The following ZNF326 variants were observed in gnomAD, a reference collection of about 807,000 sequenced individuals.
The protein encoded by ZNF326 is DBIRD complex subunit ZNF326.
A neutral mutation model predicts 63.1 loss-of-function variants in ZNF326; 30 were observed. That is an observed-to-expected ratio of 0.48 (90% confidence interval 0.36 to 0.64). The LOEUF is 0.64. Ranked by LOEUF, ZNF326 falls within the 30% of genes least tolerant of loss-of-function variation. The pLI, the probability that ZNF326 is intolerant of heterozygous loss-of-function variation, is 0.00. For synonymous variants in ZNF326, 194 were observed against 228.2 expected (o/e 0.85, Z 1.35); for missense variants, 609 against 720.3 (o/e 0.85, Z 1.77).
At chr1:90,018,086 G>T (rs1465809776) in intron 8 of ZNF326, among the ~76,000 whole-genome samples, 1 of 152,156 alleles carries the variant, frequency 6.6e-6, no homozygotes, top group Admixed American at 6.5e-5. Context: ...GAGGTCAGGG[G>T]TTCAAGACCA....
chr1:90,022,567 T>C (rs184258600), intron 11 of ZNF326, among the ~76,000 whole-genome samples: 1 of 152,298 alleles, frequency 6.6e-6, no homozygotes, highest in East Asian at 1.9e-4. Flanking sequence ...TCTGAATCAA[T>C]GAGAAATACA....
intron 2 of ZNF326, among the ~76,000 whole-genome samples, chr1:90,001,231 T>G (rs1448825098): frequency 1.3e-5 from 2 of 152,214 alleles, no homozygotes; most frequent in African/African-American, 4.8e-5. Context: ...CTCCCCTAGT[T>G]AAGAACCACT....
Position 90,005,037 on chromosome 1 carries a change from A to C in ZNF326, c.96A>C (p.Gly32=). ...MDRDYGPGSY[G]GMDRDYGHGS... is the part of the protein sequence containing the mutation. ...GTGATTATGGCCCTGGATCTTATGG[A>C]GGTCTGACATTCAAGGATATTTATC... The change falls in exon 3 of 12, where the codon GGA becomes GGC. Residue 32 remains glycine, a splice_region_variant and synonymous_variant. Transcript: ENST00000340281. 1 of 1,613,948 alleles carries C rather than the reference A, an allele frequency of 6.2e-7. No homozygotes were observed. The highest frequency in any genetic ancestry group is 8.5e-7 in the Non-Finnish European group (1 of 1,179,960).
At chr1:90,003,549 TTG>T (rs1171096599) in intron 2 of ZNF326, among the ~76,000 whole-genome samples, 1 of 152,194 alleles carries the variant, frequency 6.6e-6, no homozygotes, top group Non-Finnish European at 1.5e-5. Flanking sequence ...TTACAGGCTT[TTG>T]TAAATATTCA....
chr1:90,000,476 A>G (rs780051365), intron 2 of ZNF326, among the ~76,000 whole-genome samples: 31 of 152,312 alleles, frequency 2.0e-4, no homozygotes, highest in Non-Finnish European at 4.0e-4. Flanking sequence ...AGGTAGGAGC[A>G]CTGCTTGAGG....
chr1:90,001,478 G>A (rs563233730), intron 2 of ZNF326, among the ~76,000 whole-genome samples: 34 of 152,128 alleles, frequency 2.2e-4, no homozygotes, highest in African/African-American at 7.2e-4. Flanking sequence ...TGCTGGTAGT[G>A]TAGAGTTGCT....
chr1:90,013,041 T>A lies in ZNF326; in HGVS notation c.815-85T>A. The A allele has an allele frequency of 4.3e-6, 5 of 1,150,182 alleles. No homozygotes were observed. The South Asian group carries it at 9.2e-5, about 21-fold the overall frequency. 71.2% of individuals were successfully genotyped at this position (1,150,182 alleles called of 1,614,324 possible). ...GATTACAATCACTAAGTATACCTCATAAGTATGTACTTTACGAACTGATGA... is the reference window on the plus strand; with the variant it reads ...GATTACAATCACTAAGTATACCTCAAAAGTATGTACTTTACGAACTGATGA... On this transcript the variant is annotated intron_variant, in intron 6 of 11. Transcript: ENST00000340281.
chr1:90,027,686 A>C lies in ZNF326; in HGVS notation c.1734A>C (p.Gln578His). Reference protein sequence around the residue: ...KEEPADFPVEQPEEN With the variant: ...KEEPADFPVEHPEEN ...AACCTGCTGACTTCCCTGTTGAGCA[A>C]CCTGAAGAAAATTAAATATAAGGTA... is the stretch of plus-strand genomic sequence containing the variant. The change falls in exon 12 of 12, where the codon CAA becomes CAC. Residue 578 changes from glutamine to histidine, a missense_variant. Coordinates refer to ENST00000340281, the MANE Select transcript of ZNF326 (RefSeq NM_182976.4). The C allele has an allele frequency of 6.2e-7, 1 of 1,614,018 alleles. No individual in the cohort carries two copies. The highest frequency in any genetic ancestry group is 8.5e-7 in the Non-Finnish European group (1 of 1,179,968).
At chr1:90,011,959 C>T (rs757272850) in intron 6 of ZNF326, among the ~76,000 whole-genome samples, 1 of 152,076 alleles carries the variant, frequency 6.6e-6, no homozygotes, top group Non-Finnish European at 1.5e-5. Context: ...TCCTCAGCCT[C>T]CTGAGTAGCT....
In ZNF326 at chr1:90,005,233, TG is replaced by T. The variant is rs751099830; in HGVS notation, c.203del (p.Gly68ValfsTer74). On this transcript the variant is annotated frameshift_variant, in exon 4 of 12. Transcript: ENST00000340281. LOFTEE classifies it high-confidence loss of function. ...YGMDNHSGGG[G>X]GSRFGPYESY... ...GCATGGACAATCACAGTGGTGGTGG[TG>T]GGGGTAGCAGGTAAATTGCTTAATC... 1 of 1,612,464 alleles carries T rather than the reference TG, an allele frequency of 6.2e-7. No individual in the cohort carries two copies. Among genetic ancestry groups the T allele is most frequent in the South Asian group, 1.1e-5 (1 of 90,690 alleles).
In ZNF326 at chr1:90,009,440, T is replaced by C. The variant is rs183936447; in HGVS notation, c.616-648T>C. 5.3e-5 allele frequency among the ~76,000 whole-genome samples: 8 copies of C among 152,290 alleles called. No homozygotes were observed. In the East Asian group the frequency reaches 1.5e-3, roughly 29 times the overall value. On this transcript the variant is annotated intron_variant, in intron 5 of 11. Coordinates refer to ENST00000340281, the MANE Select transcript of ZNF326 (RefSeq NM_182976.4). The stretch of plus-strand genomic sequence containing the variant: ...TGCATGACTCTTCATCTGTAAACTT[T>C]TGTTTCTTGGGCTTCTGGGTCAGAA...
At chr1:90,023,256 C>G (rs1649858566) in intron 11 of ZNF326, among the ~76,000 whole-genome samples, 1 of 152,114 alleles carries the variant, frequency 6.6e-6, no homozygotes, top group Non-Finnish European at 1.5e-5. Context: ...TAATACCTAC[C>G]TTAAAATCAT....
At chr1:90,011,306 A>G (rs1036334022) in intron 6 of ZNF326, among the ~76,000 whole-genome samples, 7 of 152,196 alleles carry the variant, frequency 4.6e-5, no homozygotes, top group Non-Finnish European at 7.4e-5. Context: ...TTGCTATGCT[A>G]TAGTATAGAC....
Position 90,034,833 on chromosome 1 carries a change from CTT to C in ZNF326, c.*7133_*7134del, listed in dbSNP as rs1650419082. 4 of 151,996 alleles carry C rather than the reference CTT, an allele frequency of 2.6e-5. No individual in the cohort carries two copies. The highest frequency in any genetic ancestry group is 9.7e-5 in the African/African-American group (4 of 41,288). 9.4% of individuals were successfully genotyped at this position (151,996 alleles called of 1,614,324 possible). A position where few individuals can be genotyped will look rare whatever the true frequency, so the allele number is the denominator to read the frequency against. On this transcript the variant is annotated 3_prime_UTR_variant, in exon 12 of 12. Transcript: ENST00000340281. Reference sequence around the variant, plus strand: ...CAAAGATAGCTATAGACCAGTCTCACTTACGAACAAATGTAATTTGTTGAAAC... The same window carrying C: ...CAAAGATAGCTATAGACCAGTCTCACACGAACAAATGTAATTTGTTGAAAC...
chr1:90,002,391 C>G (rs1648729230), intron 2 of ZNF326, among the ~76,000 whole-genome samples: 1 of 152,114 alleles, frequency 6.6e-6, no homozygotes, highest in Admixed American at 6.5e-5. Flanking sequence ...GCAGCCAGTG[C>G]TAACTCAAAA....
Position 90,027,997 on chromosome 1 carries a change from T to C in ZNF326, c.*296T>C, listed in dbSNP as rs1650105161. 2.9e-6 allele frequency: 1 copy of C among 341,406 alleles called. No individual in the cohort carries two copies. Among genetic ancestry groups the C allele is most frequent in the Admixed American group, 4.6e-5 (1 of 21,750 alleles). 21.1% of individuals were successfully genotyped at this position (341,406 alleles called of 1,614,324 possible). On this transcript the variant is annotated 3_prime_UTR_variant, in exon 12 of 12. Transcript: ENST00000340281. Reference sequence around the variant, plus strand: ...AAGGATAACAAATGTGTATTGTTAGTATATCTATTCTAATCATTTTATCTT... The same window carrying C: ...AAGGATAACAAATGTGTATTGTTAGCATATCTATTCTAATCATTTTATCTT...
In ZNF326 at chr1:90,027,709, G is replaced by A. The variant is rs143802424; in HGVS notation, c.*8G>A. 4.8e-5 allele frequency: 77 copies of A among 1,610,760 alleles called. No homozygotes were observed. The East Asian group carries it at 1.5e-3, about 32-fold the overall frequency. On this transcript the variant is annotated 3_prime_UTR_variant, in exon 12 of 12. Transcript: ENST00000340281. ...CAACCTGAAGAAAATTAAATATAAGGTATTAGATTTAAAAGGAGCTTTACA... is the reference window on the plus strand; with the variant it reads ...CAACCTGAAGAAAATTAAATATAAGATATTAGATTTAAAAGGAGCTTTACA...
At chr1:89,995,847 T>C (rs906712346) in intron 1 of ZNF326, among the ~76,000 whole-genome samples, 3 of 152,268 alleles carry the variant, frequency 2.0e-5, no homozygotes, top group Admixed American at 2.0e-4. Context: ...GTTTCCTGGT[T>C]AGTAAACTGG....
intron 5 of ZNF326, 73 bp from the exon 6 acceptor site, chr1:90,010,015 A>G (rs1210153072): frequency 2.1e-6 from 3 of 1,460,092 alleles, no homozygotes; most frequent in Admixed American, 1.9e-5. Flanking sequence ...GATAGTTAAC[A>G]TGAAAATTTT....
Sources: gnomAD v4.1 joint callset for allele counts (sites outside exome capture counted in the v4.1 genomes callset) on GRCh38, gnomAD v4.1.1 for gene constraint, MANE v1.5 for transcripts, NCBI Gene and HGNC (gene_info 2026-07-23, HGNC 2026-07-21) for gene names.